DIAPH1: variants seen among roughly 807,000 people sequenced by gnomAD.
DIAPH1 encodes the protein diaphanous related formin 1, also known as protein diaphanous homolog 1.
In DIAPH1, 46 loss-of-function variants were observed where a neutral mutation model predicts 140.7. That is an observed-to-expected ratio of 0.33 (90% CI 0.26 to 0.42). DIAPH1 has a LOEUF of 0.42. Among genes scored for constraint, DIAPH1 ranks in the 10% least tolerant of loss-of-function variants. DIAPH1 has a pLI of 1.00. For missense variants in DIAPH1, 1,310 were observed against 1,558.7 expected, an observed-to-expected ratio of 0.84 and a Z score of 2.69; for synonymous variants, 565 against 551.6, an observed-to-expected ratio of 1.02 and a Z score of -0.34.
intron 18 of DIAPH1, among the ~76,000 whole-genome samples, chr5:141,535,453 C>G (rs1463850234): frequency 6.6e-6 from 1 of 152,194 alleles, no homozygotes; most frequent in Non-Finnish European, 1.5e-5. Context: ...TATTTGTTAT[C>G]TATATCTCAT....
Position 141,583,383 on chromosome 5 carries a change from T to C in DIAPH1, c.534-91A>G, listed in dbSNP as rs1271630086. On this transcript the variant is annotated intron_variant, in intron 5 of 27. Transcript: ENST00000389054. ...TATCCTGACAACTTACTACTCCCAA[T>C]TCAGACTATTCTCATGCTTCCCTGG... The C allele has an allele frequency of 3.7e-6, 6 of 1,606,734 alleles. No individual in the cohort carries two copies. In the South Asian group the frequency reaches 5.5e-5, roughly 15 times the overall value.
chr5:141,517,103 A>G, intron 27 of DIAPH1, 95 bp from the exon 28 acceptor site: 1 of 1,473,532 alleles, frequency 6.8e-7, no homozygotes, highest in Non-Finnish European at 9.3e-7. Flanking sequence ...CCATGCAGAC[A>G]TGACTACCTT....
At chr5:141,591,500 A>T (rs867729894) in intron 1 of DIAPH1, among the ~76,000 whole-genome samples, 1 of 151,060 alleles carries the variant, frequency 6.6e-6, no homozygotes. Context: ...CATTATATCA[A>T]TGAAGAGACT....
chr5:141,550,596 G>C (rs1360492027), intron 18 of DIAPH1: 3 of 154,252 alleles, frequency 1.9e-5, no homozygotes, highest in East Asian at 3.9e-4. Flanking sequence ...AAGCCCAAAC[G>C]AATCTCCTTT....
rs909257790 is a variant in DIAPH1, at chr5:141,576,935, G to C, written c.1281-64C>G. On this transcript the variant is annotated intron_variant, in intron 12 of 27. Coordinates refer to ENST00000389054, the MANE Select transcript of DIAPH1 (RefSeq NM_005219.5). ...AAAATATAATTTTCAGAAGTATTCAGGACCAAGAAAACGTAATTGCTCTGA... is the reference window on the plus strand; with the variant it reads ...AAAATATAATTTTCAGAAGTATTCACGACCAAGAAAACGTAATTGCTCTGA... 5.1e-5 allele frequency: 55 copies of C among 1,073,156 alleles called. No individual in the cohort carries two copies. The Admixed American group carries it at 9.0e-4, about 18-fold the overall frequency. The allele number at this position is 1,073,156 out of a possible 1,614,324, so 66.5% of individuals were successfully genotyped here.
At chr5:141,611,715 T>C (rs554796992) in intron 1 of DIAPH1, among the ~76,000 whole-genome samples, 55 of 152,266 alleles carry the variant, frequency 3.6e-4, no homozygotes, top group Middle Eastern at 3.4e-3. Flanking sequence ...AAGAAAGATA[T>C]ATAAACAGCA....
chr5:141,582,059 C>CAAAAAAAAA (rs70991705), intron 7 of DIAPH1: 2 of 79,782 alleles, frequency 2.5e-5, no homozygotes, highest in Admixed American at 2.7e-4. Context: ...GACTCCATCT[C>CAAAAAAAAA]AAAAAAAAAA....
chr5:141,541,748 G>C (rs1429661030), intron 18 of DIAPH1, among the ~76,000 whole-genome samples: 1 of 150,860 alleles, frequency 6.6e-6, no homozygotes, highest in East Asian at 1.9e-4. Flanking sequence ...ACTAGAAAGA[G>C]AAATAAAGTA....
chr5:141,601,019 C>G (rs893498772), intron 1 of DIAPH1, among the ~76,000 whole-genome samples: 3 of 151,810 alleles, frequency 2.0e-5, no homozygotes, highest in African/African-American at 7.3e-5. Flanking sequence ...TAGGTGGGAA[C>G]TGAACAATGA....
At chr5:141,601,748 C>T (rs527541869) in intron 1 of DIAPH1, among the ~76,000 whole-genome samples, 30 of 152,174 alleles carry the variant, frequency 2.0e-4, no homozygotes, top group African/African-American at 7.2e-4. Flanking sequence ...GAGCATCATC[C>T]GAAACAGTAT....
At chr5:141,613,159 A>G (rs1398429854) in intron 1 of DIAPH1, among the ~76,000 whole-genome samples, 2 of 152,148 alleles carry the variant, frequency 1.3e-5, no homozygotes, top group Non-Finnish European at 2.9e-5. Context: ...CCCATCCTCC[A>G]TAAGAGAATG....
At chr5:141,554,979 C>T (rs866718338) in intron 18 of DIAPH1, among the ~76,000 whole-genome samples, 35 of 151,990 alleles carry the variant, frequency 2.3e-4, no homozygotes, top group African/African-American at 8.2e-4. Context: ...TCAGTTGTAA[C>T]TGGAAGGGGG....
At chr5:141,529,101 C>T in intron 21 of DIAPH1, 71 bp downstream of exon 21, 1 of 1,547,598 alleles carries the variant, frequency 6.5e-7, no homozygotes, top group South Asian at 1.1e-5. Flanking sequence ...GAGCATATGC[C>T]CAGGCTGCTC....
intron 19 of DIAPH1, among the ~76,000 whole-genome samples, chr5:141,532,639 A>G (rs563439751): frequency 1.8e-4 from 27 of 152,334 alleles, no homozygotes; most frequent in African/African-American, 6.3e-4. Context: ...CTGCACTGTT[A>G]TCATCTGCCT....
intron 1 of DIAPH1, among the ~76,000 whole-genome samples, chr5:141,605,860 C>A (rs2099900844): frequency 6.6e-6 from 1 of 152,144 alleles, no homozygotes; most frequent in Non-Finnish European, 1.5e-5. Context: ...CGGTTTCAAT[C>A]ACAGGAAACA....
intron 18 of DIAPH1, among the ~76,000 whole-genome samples, chr5:141,558,681 C>T (rs1235468689): frequency 6.6e-6 from 1 of 151,958 alleles, no homozygotes; most frequent in East Asian, 1.9e-4. Flanking sequence ...GAACACCCTC[C>T]ATTATCTTTA....
intron 8 of DIAPH1, among the ~76,000 whole-genome samples, chr5:141,579,715 C>T (rs748615658): frequency 3.9e-5 from 6 of 151,910 alleles, no homozygotes; most frequent in Non-Finnish European, 8.8e-5. Flanking sequence ...TTTGGGAGGC[C>T]GAGGCGGGCG....
rs1013707508 is a variant in DIAPH1 at position 141,549,464 on chromosome 5, G to A, written c.2483-15031C>T. ...AACCACAGTGGAAGAATTAACACCC[G>A]TCACACAATACTAATAAAACAAGCA... is the stretch of plus-strand genomic sequence containing the variant. On this transcript the variant is annotated intron_variant, in intron 18 of 27. Transcript: ENST00000389054. Among the ~76,000 whole-genome samples the A allele has an allele frequency of 5.9e-5, 9 of 152,042 alleles. 1 individual carries two copies. Among genetic ancestry groups the A allele is most frequent in the African/African-American group, 2.2e-4 (9 of 41,408 alleles).
chr5:141,592,171 C>G (rs185844191), intron 1 of DIAPH1, among the ~76,000 whole-genome samples: 1 of 151,506 alleles, frequency 6.6e-6, no homozygotes, highest in East Asian at 1.9e-4. Flanking sequence ...ACATGATCCA[C>G]GAGGGAAAAA....
Sources: gnomAD v4.1 joint callset for allele counts (sites outside exome capture counted in the v4.1 genomes callset) on GRCh38, gnomAD v4.1.1 for gene constraint, MANE v1.5 for transcripts, NCBI Gene and HGNC (gene_info 2026-07-23, HGNC 2026-07-21) for gene names.